PATL1: variants seen among roughly 807,000 people sequenced by gnomAD.
The protein encoded by PATL1 is protein PAT1 homolog 1.
PATL1 carries 32 observed loss-of-function variants against 100.6 expected under a neutral mutation model. The observed-to-expected ratio is 0.32, with a 90% CI of 0.24 to 0.43. The LOEUF (loss-of-function observed/expected upper bound fraction) is 0.43. Among genes scored for constraint, PATL1 ranks in the 20% least tolerant of loss-of-function variants. The pLI is 1.00. For synonymous variants in PATL1, 332 were observed against 330.0 expected (o/e 1.01, Z -0.07); for missense variants, 747 against 949.9 (o/e 0.79, Z 2.81).
intron 16 of PATL1, among the ~76,000 whole-genome samples, chr11:59,641,892 CCT>C (rs1861286394): frequency 6.6e-6 from 1 of 152,224 alleles, no homozygotes; most frequent in South Asian, 2.1e-4. Flanking sequence ...ACCTCTTCTT[CCT>C]CTGATACACT....
At chr11:59,652,317 T>C (rs924043052) in intron 11 of PATL1, 147 bp downstream of exon 11, 10 of 1,176,054 alleles carry the variant, frequency 8.5e-6, no homozygotes, top group Non-Finnish European at 1.1e-5. Context: ...AGGCTGATTT[T>C]TGCATTTATT....
intron 8 of PATL1, among the ~76,000 whole-genome samples, chr11:59,654,441 A>G (rs901157050): frequency 6.7e-6 from 1 of 150,104 alleles, no homozygotes; most frequent in East Asian, 2.0e-4. Flanking sequence ...CGTGTGGGTC[A>G]CTGCACTCCA....
At chr11:59,639,585 C>T in intron 16 of PATL1, 1 of 525,232 alleles carries the variant, frequency 1.9e-6, no homozygotes, top group Non-Finnish European at 3.4e-6. Context: ...TCTGCCATAG[C>T]AGTGACCAGG....
intron 9 of PATL1, 96 bp from the exon 10 acceptor site, chr11:59,653,114 T>TTTTTA: frequency 9.9e-7 from 1 of 1,008,404 alleles, no homozygotes; most frequent in African/African-American, 1.6e-5. Context: ...TTTTTTTTTT[T>TTTTTA]AAAGATTCCC....
Position 59,655,944 on chromosome 11 carries a change from T to A in PATL1, c.813+12A>T. 1 of 1,564,042 alleles carries A rather than the reference T, an allele frequency of 6.4e-7. No individual in the cohort carries two copies. The highest frequency in any genetic ancestry group is 8.7e-7 in the Non-Finnish European group (1 of 1,147,728). ...GAGAGTTCTTTATGGGTAGGGCTAA[T>A]CACAGGCTTACCTGTGCTCCTCCAA... is the stretch of plus-strand genomic sequence containing the variant. On this transcript the variant is annotated intron_variant, in intron 7 of 18. Transcript: ENST00000300146.
rs999143067 is a variant in PATL1 at position 59,668,926 on chromosome 11, G to A, written c.-31C>T. 1.1e-5 allele frequency: 5 copies of A among 474,826 alleles called. No individual in the cohort carries two copies. The highest frequency in any genetic ancestry group is 1.8e-5 in the Non-Finnish European group (5 of 273,106). The allele number at this position is 474,826 out of a possible 1,614,324, so 29.4% of individuals were successfully genotyped here. A position where few individuals can be genotyped will look rare whatever the true frequency, so the allele number is the denominator to read the frequency against. ...GGGAGGGGGGCAGGGAGCGGGGAGG[G>A]GAGAGGGGGAGGGAGGGAAGAAGCG... On this transcript the variant is annotated 5_prime_UTR_variant, in exon 1 of 19. Coordinates refer to ENST00000300146, the MANE Select transcript of PATL1 (RefSeq NM_152716.3).
At chr11:59,655,864 G>A in intron 7 of PATL1, 92 bp downstream of exon 7, 1 of 1,356,598 alleles carries the variant, frequency 7.4e-7, no homozygotes, top group Non-Finnish European at 1.0e-6. Flanking sequence ...AAAAATAAAA[G>A]TAGTGATTAA....
At chr11:59,658,808 C>T (rs1861581452) in intron 4 of PATL1, 58 bp downstream of exon 4, 2 of 1,346,280 alleles carry the variant, frequency 1.5e-6, no homozygotes, top group Admixed American at 2.3e-5. Context: ...AGGATGACGA[C>T]AGGAACTTAA....
chr11:59,658,798 A>AG, intron 4 of PATL1, 68 bp downstream of exon 4: 1 of 1,208,858 alleles, frequency 8.3e-7, no homozygotes. Flanking sequence ...CAGTAAGGAA[A>AG]GGATGACGAC....
chr11:59,656,423 A>C (rs1679896092), intron 6 of PATL1, 76 bp downstream of exon 6: 2 of 1,235,290 alleles, frequency 1.6e-6, no homozygotes, highest in Non-Finnish European at 2.3e-6. Context: ...AGCAAATCTA[A>C]ATACTGGCAG....
rs776520236 is a variant in PATL1, at chr11:59,652,827, A to T, written c.1302+11T>A. The stretch of plus-strand genomic sequence containing the variant: ...AAACTATTATCCTCAAAACTAGCAC[A>T]GAGTATTTACCTGGTAATAAAAATC... On this transcript the variant is annotated intron_variant, in intron 10 of 18. Transcript: ENST00000300146. 8.1e-6 allele frequency: 13 copies of T among 1,610,894 alleles called. No individual in the cohort carries two copies. The East Asian group carries it at 2.9e-4, about 36-fold the overall frequency.
intron 12 of PATL1, 23 bp downstream of exon 12, chr11:59,651,521 C>A: frequency 1.3e-6 from 2 of 1,563,814 alleles, no homozygotes. Flanking sequence ...CGTTCTTAAA[C>A]AGACAATTGT....
intron 14 of PATL1, among the ~76,000 whole-genome samples, chr11:59,648,208 C>T (rs1274108275): frequency 1.7e-5 from 2 of 119,432 alleles, no homozygotes; most frequent in Non-Finnish European, 3.3e-5. Flanking sequence ...TTTTTTGAGA[C>T]GAAGTCCCGC....
At chr11:59,665,398 A>C (rs550743067) in intron 2 of PATL1, among the ~76,000 whole-genome samples, 1 of 152,252 alleles carries the variant, frequency 6.6e-6, no homozygotes, top group Non-Finnish European at 1.5e-5. Flanking sequence ...ACTACAAAAG[A>C]ATCACACACA....
At position 59,642,995 on chromosome 11, in the gene PATL1, T is replaced by G; in HGVS notation, c.1934A>C (p.Tyr645Ser). The G allele has an allele frequency of 6.2e-7, 1 of 1,613,846 alleles. No individual in the cohort carries two copies. The highest frequency in any genetic ancestry group is 2.2e-5 in the East Asian group (1 of 44,874). The change falls in exon 16 of 19, where the codon TAT becomes TCT. Residue 645 changes from tyrosine to serine, a missense_variant. By Grantham distance (144) the Tyr-to-Ser change is moderately radical. Coordinates refer to ENST00000300146, the MANE Select transcript of PATL1 (RefSeq NM_152716.3). ...GGTGATACTCACTGATGGAAGATGA[T>G]AGAGAAGGAGAGAGAAGGGACTCAG... is the stretch of plus-strand genomic sequence containing the variant. Reference protein sequence around the residue: ...CLLSPFSLLLYHLPSVSITSL... With the variant: ...CLLSPFSLLLSHLPSVSITSL...
chr11:59,647,243 A>C (rs973281715), intron 15 of PATL1, among the ~76,000 whole-genome samples: 2 of 151,716 alleles, frequency 1.3e-5, no homozygotes, highest in Non-Finnish European at 2.9e-5. Context: ...AAAAAAAAAA[A>C]ACCAAAAGGG....
At chr11:59,643,108 G>A (rs576151201) in intron 15 of PATL1, 73 bp from the exon 16 acceptor site, 1 of 1,483,310 alleles carries the variant, frequency 6.7e-7, no homozygotes, top group Non-Finnish European at 9.2e-7. Context: ...GGGCATGGAT[G>A]GAAGGATGTT....
chr11:59,665,790 C>A (rs1160101393), intron 2 of PATL1, among the ~76,000 whole-genome samples: 1 of 151,576 alleles, frequency 6.6e-6, no homozygotes. Context: ...TGTCTCAAAA[C>A]AAATATATGT....
chr11:59,657,861 C>T, intron 4 of PATL1, 137 bp from the exon 5 acceptor site: 1 of 741,588 alleles, frequency 1.3e-6, no homozygotes, highest in East Asian at 3.0e-5. Flanking sequence ...GTAAAATTCA[C>T]TTTTTGGTAT....
Sources: allele counts gnomAD v4.1 joint callset (sites outside exome capture counted in the v4.1 genomes callset), GRCh38; gene constraint gnomAD v4.1.1; transcripts MANE v1.5; gene names NCBI Gene and HGNC (gene_info 2026-07-23, HGNC 2026-07-21).